Variants in MATCAP2 observed in about 807,000 individuals in gnomAD.
The protein encoded by MATCAP2 is putative tyrosine carboxypeptidase MATCAP2.
chr7:36,336,333 C>T, the MATCAP2 span: 1 of 1,396,648 alleles, frequency 7.2e-7, no homozygotes, highest in Non-Finnish European at 9.7e-7. Flanking sequence ...AGTAAACAGC[C>T]TCATATTACT....
chr7:36,332,391 T>C, the MATCAP2 span, among the ~76,000 whole-genome samples: 3 of 152,194 alleles, frequency 2.0e-5, no homozygotes, highest in Admixed American at 1.3e-4. Context: ...GAGAAGAGTA[T>C]TCTAAGAAAT....
At chr7:36,349,489 AG>A in the MATCAP2 span, among the ~76,000 whole-genome samples, 1 of 152,174 alleles carries the variant, frequency 6.6e-6, no homozygotes, top group Non-Finnish European at 1.5e-5. Flanking sequence ...CAAAGAATTA[AG>A]TTGTCACCTG....
the MATCAP2 span, among the ~76,000 whole-genome samples, chr7:36,354,485 T>C: frequency 1.6e-4 from 24 of 152,348 alleles, no homozygotes; most frequent in Admixed American, 1.3e-4. Context: ...CTGTCAGCTG[T>C]GGATTGGCAA....
At chr7:36,341,351 G>A in the MATCAP2 span, among the ~76,000 whole-genome samples, 2 of 152,290 alleles carry the variant, frequency 1.3e-5, no homozygotes, top group East Asian at 1.9e-4. Flanking sequence ...AAAGAGATGT[G>A]ATACATTGCA....
chr7:36,380,341 G>A, the MATCAP2 span, among the ~76,000 whole-genome samples: 20 of 152,312 alleles, frequency 1.3e-4, no homozygotes, highest in Admixed American at 3.9e-4. Flanking sequence ...TCGAGACTGT[G>A]ATAGGGATTC....
At chr7:36,381,183 G>A in the MATCAP2 span, among the ~76,000 whole-genome samples, 1 of 152,186 alleles carries the variant, frequency 6.6e-6, no homozygotes, top group Non-Finnish European at 1.5e-5. Flanking sequence ...GCAGGTTTAG[G>A]AGGAGTGAGC....
At chr7:36,334,791 T>C in the MATCAP2 span, among the ~76,000 whole-genome samples, 310 of 152,276 alleles carry the variant, frequency 2.0e-3, no homozygotes, top group African/African-American at 6.9e-3. Context: ...CTCAGTTTAA[T>C]GTAGGGGAAA....
At chr7:36,389,806 A>C in the MATCAP2 span, 2 of 846,222 alleles carry the variant, frequency 2.4e-6, no homozygotes, top group Non-Finnish European at 3.6e-6. Flanking sequence ...GGCTCCGCCC[A>C]GCGCGCATGC....
the MATCAP2 span, among the ~76,000 whole-genome samples, chr7:36,389,101 C>T: frequency 2.2e-3 from 333 of 152,236 alleles, 2 homozygotes; most frequent in African/African-American, 7.6e-3. Flanking sequence ...GTAGCCCAGG[C>T]TGGAATGCAG....
At chr7:36,325,421 C>T in the MATCAP2 span, 2 of 152,172 alleles carry the variant, frequency 1.3e-5, no homozygotes, top group African/African-American at 4.8e-5. Context: ...AGAGAAAAAT[C>T]ATGTAACCTC....
At chr7:36,373,995 A>G in the MATCAP2 span, among the ~76,000 whole-genome samples, 1 of 151,980 alleles carries the variant, frequency 6.6e-6, no homozygotes, top group Non-Finnish European at 1.5e-5. Context: ...GATGGTCTTG[A>G]TCTCCTGACC....
chr7:36,361,458 T>TA, the MATCAP2 span, among the ~76,000 whole-genome samples: 1 of 152,194 alleles, frequency 6.6e-6, no homozygotes, highest in African/African-American at 2.4e-5. Context: ...CACTAATACT[T>TA]ACGAAACCTG....
chr7:36,332,965 T>C, the MATCAP2 span, among the ~76,000 whole-genome samples: 1 of 147,476 alleles, frequency 6.8e-6, no homozygotes, highest in African/African-American at 2.7e-5. Context: ...AGATTCTGCC[T>C]CTCTGGGCAG....
chr7:36,334,696 C>T, the MATCAP2 span, among the ~76,000 whole-genome samples: 1 of 151,970 alleles, frequency 6.6e-6, no homozygotes, highest in Admixed American at 6.6e-5. Flanking sequence ...GGAGGTATAA[C>T]CTTTATAACA....
chr7:36,382,174 G>T, the MATCAP2 span, among the ~76,000 whole-genome samples: 359 of 151,662 alleles, frequency 2.4e-3, no homozygotes, highest in African/African-American at 8.2e-3. Context: ...GGGCATGGTG[G>T]TGGGTGCCTG....
the MATCAP2 span, among the ~76,000 whole-genome samples, chr7:36,332,887 A>C: frequency 1.3e-5 from 2 of 152,172 alleles, no homozygotes; most frequent in Non-Finnish European, 2.9e-5. Flanking sequence ...AGATCGCACC[A>C]TTGTACTCCA....
At chr7:36,326,533 T>C in the MATCAP2 span, 4 of 329,614 alleles carry the variant, frequency 1.2e-5, no homozygotes, top group Non-Finnish European at 2.2e-5. Context: ...TCTGACTCTG[T>C]CGAGATTCAG....
chr7:36,383,998 A>T, the MATCAP2 span: 53 of 597,708 alleles, frequency 8.9e-5, no homozygotes, highest in Admixed American at 1.2e-4. Flanking sequence ...TAAAAATTTT[A>T]AAATTAAATA....
chr7:36,367,398 C>T, the MATCAP2 span: 772 of 956,858 alleles, frequency 8.1e-4, 11 homozygotes, highest in African/African-American at 0.013. Context: ...GTGGCTGTGC[C>T]CGCGAGCGCG....
Sources: allele counts gnomAD v4.1 joint callset (sites outside exome capture counted in the v4.1 genomes callset), GRCh38; gene constraint gnomAD v4.1.1; transcripts MANE v1.5; gene names NCBI Gene and HGNC (gene_info 2026-07-23, HGNC 2026-07-21).